The following RRP12 variants were observed in gnomAD, a reference collection of about 807,000 sequenced individuals.
RRP12 encodes ribosomal RNA processing 12 homolog.
A neutral mutation model predicts 157.3 loss-of-function variants in RRP12; 78 were observed. The ratio of observed to expected loss-of-function variants is 0.50; its 90% CI spans 0.41 to 0.60. The LOEUF (loss-of-function observed/expected upper bound fraction) is 0.60, where lower values mean the gene tolerates loss of function less well. Ranked by LOEUF, RRP12 falls within the 20% of genes least tolerant of loss-of-function variation. The probability of loss-of-function intolerance (pLI) is 0.00; values close to 1 mark genes in which losing one functional copy is unlikely to be tolerated. For missense variants in RRP12, 1,521 were observed against 1,679.9 expected, an observed-to-expected ratio of 0.91 and a Z score of 1.65; for synonymous variants, 726 against 670.9, an observed-to-expected ratio of 1.08 and a Z score of -1.27.
intron 2 of RRP12, among the ~76,000 whole-genome samples, chr10:97,398,006 CATATATATATATATATGTATATATATAT>C (rs1342131517): frequency 1.5e-4 from 7 of 47,184 alleles, no homozygotes; most frequent in Non-Finnish European, 4.2e-5. Context: ...TATATATATA[CATATATATATATATATGTATATATATAT>C]ACGTATTTTT....
At position 97,358,958 on chromosome 10, in the gene RRP12, A is replaced by C. The variant is rs551834811; in HGVS notation, c.3693T>G (p.Ala1231=). 11 of 1,613,832 alleles carry C rather than the reference A, an allele frequency of 6.8e-6. 1 individual carries two copies. The highest frequency in any genetic ancestry group is 1.7e-4 in the Middle Eastern group (1 of 6,058). The part of the protein sequence containing the change: ...RPVAKKAMPG[A]EYKAKKAKGD... ...CAGCACTTACCTTGGCCTTGTATTC[A>C]GCCCCAGGCATAGCCTTCTTGGCCA... is the stretch of plus-strand genomic sequence containing the variant. The change falls in exon 32 of 34, where the codon GCT becomes GCG. Residue 1231 remains alanine, a synonymous_variant. Transcript: ENST00000370992.
At chr10:97,362,572 C>A (rs1336616190) in intron 30 of RRP12, among the ~76,000 whole-genome samples, 1 of 151,960 alleles carries the variant, frequency 6.6e-6, no homozygotes, top group Non-Finnish European at 1.5e-5. Context: ...CTCGGAGGGG[C>A]CCATGTCAGA....
chr10:97,385,528 T>C (rs1190237554), intron 9 of RRP12, among the ~76,000 whole-genome samples: 2 of 140,470 alleles, frequency 1.4e-5, no homozygotes, highest in Non-Finnish European at 3.2e-5. Flanking sequence ...GAGGCCTTCT[T>C]TGAAAAAAAA....
Position 97,400,483 on chromosome 10 carries a change from G to C in RRP12, c.191C>G (p.Ser64Ter). The C allele has an allele frequency of 6.2e-7, 1 of 1,614,086 alleles. No homozygotes were observed. Among genetic ancestry groups the C allele is most frequent in the Non-Finnish European group, 8.5e-7 (1 of 1,180,020 alleles). Residue 64 changes from serine (S) to a stop codon, truncating the protein, a stop_gained, in exon 2 of 34, where the codon TCA becomes TGA. Transcript: ENST00000370992. LOFTEE classifies it high-confidence loss of function. ...DAVKLHNELQSGSLRLGKSEA... is the reference protein window; with the variant it reads ...DAVKLHNELQ ...GCTTTTGCCCAAGCGCAAGGACCCT[G>C]ACTGCAGCTCATTATGTAACTTCAC...
In RRP12 at chr10:97,371,090, C is replaced by T. The variant is rs1470069610; in HGVS notation, c.2344-9G>A. On this transcript the variant is annotated splice_polypyrimidine_tract_variant and intron_variant, in intron 20 of 33. Coordinates refer to ENST00000370992, the MANE Select transcript of RRP12 (RefSeq NM_015179.4). Reference sequence around the variant, plus strand: ...ACCCCGTGGGCCTTGCTCTGGCAGACAGGAACCGGTGAGGGAGGCCTGGGG... The same window carrying T: ...ACCCCGTGGGCCTTGCTCTGGCAGATAGGAACCGGTGAGGGAGGCCTGGGG... 3.1e-6 allele frequency: 5 copies of T among 1,612,520 alleles called. No individual in the cohort carries two copies. Among genetic ancestry groups the T allele is most frequent in the Non-Finnish European group, 3.4e-6 (4 of 1,179,568 alleles).
chr10:97,387,719 T>C (rs1487033708), intron 8 of RRP12, among the ~76,000 whole-genome samples: 2 of 151,288 alleles, frequency 1.3e-5, no homozygotes, highest in East Asian at 3.9e-4. Flanking sequence ...GGCGGGCAGA[T>C]CACCTGAGGT....
intron 15 of RRP12, among the ~76,000 whole-genome samples, chr10:97,377,254 T>G (rs1951637150): frequency 6.6e-6 from 1 of 151,474 alleles, no homozygotes; most frequent in Admixed American, 6.6e-5. Context: ...TGGTGGCTCA[T>G]GCCTGTACTC....
In RRP12 at chr10:97,393,779, G is replaced by A; in HGVS notation, c.454-19C>T. 6.2e-7 allele frequency: 1 copy of A among 1,605,022 alleles called. No individual in the cohort carries two copies. The highest frequency in any genetic ancestry group is 8.5e-7 in the Non-Finnish European group (1 of 1,172,244). Reference sequence around the variant, plus strand: ...TTGTCATCTGAGGGCCAGATTGAGGGGGTTTGAATGGATAAAAACTTACAC... The same window carrying A: ...TTGTCATCTGAGGGCCAGATTGAGGAGGTTTGAATGGATAAAAACTTACAC... On this transcript the variant is annotated intron_variant, in intron 3 of 33. Coordinates refer to ENST00000370992, the MANE Select transcript of RRP12 (RefSeq NM_015179.4).
chr10:97,367,201 A>C, intron 25 of RRP12, 69 bp from the exon 26 acceptor site: 1 of 1,354,068 alleles, frequency 7.4e-7, no homozygotes. Context: ...ACTGCTGTCC[A>C]GCCCAGGGAC....
intron 29 of RRP12, among the ~76,000 whole-genome samples, chr10:97,365,277 T>G (rs1028805109): frequency 9.4e-5 from 14 of 149,020 alleles, no homozygotes; most frequent in African/African-American, 2.7e-4. Flanking sequence ...TAGGTGTTTT[T>G]TTTTTTTTTT....
Position 97,372,305 on chromosome 10 carries a change from A to G in RRP12, c.2250-139T>C. The G allele has an allele frequency of 1.0e-5, 6 of 600,632 alleles. No homozygotes were observed. The South Asian group carries it at 1.0e-4, about 10-fold the overall frequency. The allele number at this position is 600,632 out of a possible 1,614,324, so 37.2% of individuals were successfully genotyped here. A position where few individuals can be genotyped will look rare whatever the true frequency, so the allele number is the denominator to read the frequency against. On this transcript the variant is annotated intron_variant, in intron 19 of 33. Transcript: ENST00000370992. Reference sequence around the variant, plus strand: ...AGGGGCTTGAAGGAGCTCATGAACAATAATAATAGCTAGTACCTAACTGAG... The same window carrying G: ...AGGGGCTTGAAGGAGCTCATGAACAGTAATAATAGCTAGTACCTAACTGAG...
At position 97,360,486 on chromosome 10, in the gene RRP12, C is replaced by G. The variant is rs1218324931; in HGVS notation, c.3640+60G>C. On this transcript the variant is annotated intron_variant, in intron 31 of 33. Transcript: ENST00000370992. ...CCCTGCCACCCCTTCCTGTGACTCC[C>G]CTCCCTAATGCAGGTGACAGGGATC... is the stretch of plus-strand genomic sequence containing the variant. 67 of 1,375,444 alleles carry G rather than the reference C, an allele frequency of 4.9e-5. No homozygotes were observed. The South Asian group carries it at 7.3e-4, about 15-fold the overall frequency. The allele number at this position is 1,375,444 out of a possible 1,614,324, so 85.2% of individuals were successfully genotyped here. A position where few individuals can be genotyped will look rare whatever the true frequency, so the allele number is the denominator to read the frequency against.
intron 9 of RRP12, 93 bp downstream of exon 9, chr10:97,385,802 C>G: frequency 2.2e-6 from 2 of 916,476 alleles, no homozygotes; most frequent in Non-Finnish European, 3.5e-6. Flanking sequence ...CAACCTCACT[C>G]TGTAGACAAG....
Position 97,381,379 on chromosome 10 carries a change from T to G in RRP12, c.1418+7A>C. On this transcript the variant is annotated splice_region_variant and intron_variant, in intron 12 of 33. Transcript: ENST00000370992. ...ATCCCTTCCTAACATGGACCCCATA[T>G]CCTCACCTGAACATCTTGGCAACAG... The G allele has an allele frequency of 6.2e-7, 1 of 1,600,688 alleles. No homozygotes were observed. The highest frequency in any genetic ancestry group is 8.5e-7 in the Non-Finnish European group (1 of 1,172,470).
chr10:97,396,447 C>T, intron 2 of RRP12, 146 bp from the exon 3 acceptor site: 1 of 638,730 alleles, frequency 1.6e-6, no homozygotes, highest in East Asian at 2.8e-5. Flanking sequence ...TAGGTCCATA[C>T]CAGGGGGCCC....
intron 3 of RRP12, among the ~76,000 whole-genome samples, chr10:97,395,529 G>A (rs1302544621): frequency 1.3e-5 from 2 of 148,794 alleles, no homozygotes; most frequent in African/African-American, 5.0e-5. Flanking sequence ...TCCAACTTGG[G>A]CAACGGAGTG....
intron 2 of RRP12, among the ~76,000 whole-genome samples, chr10:97,396,841 C>G (rs1034943902): frequency 6.6e-6 from 1 of 152,204 alleles, no homozygotes; most frequent in African/African-American, 2.4e-5. Flanking sequence ...TCTCAGCTCA[C>G]TGCAACCTCT....
intron 6 of RRP12, among the ~76,000 whole-genome samples, chr10:97,389,085 G>A (rs1236652124): frequency 6.6e-6 from 1 of 152,122 alleles, no homozygotes; most frequent in African/African-American, 2.4e-5. Context: ...CCAAGCAGGG[G>A]CTGCTACTTT....
chr10:97,397,908 C>A (rs1031135389), intron 2 of RRP12, among the ~76,000 whole-genome samples: 1 of 146,108 alleles, frequency 6.8e-6, no homozygotes, highest in Non-Finnish European at 1.5e-5. Context: ...AAGTGAGACT[C>A]TGTCTGAAAA....
Sources: allele counts gnomAD v4.1 joint callset (sites outside exome capture counted in the v4.1 genomes callset), GRCh38; gene constraint gnomAD v4.1.1; transcripts MANE v1.5; gene names NCBI Gene and HGNC (gene_info 2026-07-23, HGNC 2026-07-21).